The following TASP1 variants were observed in gnomAD, a reference collection of about 807,000 sequenced individuals.
The protein encoded by TASP1 is taspase 1, also known as threonine aspartase 1.
Under a neutral mutation model 56.6 loss-of-function variants are expected in TASP1, and 16 were observed. That is an observed-to-expected ratio of 0.28 (90% CI 0.19 to 0.43). The LOEUF is 0.43. TASP1 is among the 20% of genes least tolerant of loss of function. The pLI, the probability that TASP1 is intolerant of heterozygous loss-of-function variation, is 1.00. For missense variants in TASP1, 393 were observed against 511.6 expected, an observed-to-expected ratio of 0.77 and a Z score of 2.24; for synonymous variants, 179 against 184.2, an observed-to-expected ratio of 0.97 and a Z score of 0.23.
At chr20:13,270,604 C>A in the TASP1 span, 1 of 1,614,002 alleles carries the variant, frequency 6.2e-7, no homozygotes, top group East Asian at 2.2e-5. Context: ...GCACACCAAC[C>A]CTTCCCCAGA....
the TASP1 span, among the ~76,000 whole-genome samples, chr20:13,365,848 T>C: frequency 6.6e-6 from 1 of 152,054 alleles, no homozygotes; most frequent in South Asian, 2.1e-4. Context: ...GAGAACGGCC[T>C]GGGGATAGGA....
intron 13 of TASP1, chr20:13,393,611 C>A: frequency 8.7e-7 from 1 of 1,144,018 alleles, no homozygotes; most frequent in Non-Finnish European, 1.3e-6. Flanking sequence ...CCTGGTGTGA[C>A]AACGAATTTG....
At chr20:13,245,259 T>C in the TASP1 span, 7 of 152,346 alleles carry the variant, frequency 4.6e-5, no homozygotes, top group South Asian at 1.5e-3. Context: ...CCTTGGCCCA[T>C]GGTCTCTCAC....
chr20:13,637,667 A>G (rs1261518374), intron 1 of TASP1, among the ~76,000 whole-genome samples: 1 of 152,224 alleles, frequency 6.6e-6, no homozygotes, highest in Non-Finnish European at 1.5e-5. Context: ...TTTATATGAA[A>G]TGCCAGTATA....
chr20:13,281,794 T>C, the TASP1 span, among the ~76,000 whole-genome samples: 1 of 152,216 alleles, frequency 6.6e-6, no homozygotes, highest in Non-Finnish European at 1.5e-5. Flanking sequence ...TGCACAGCGT[T>C]TGTGGCTTCA....
chr20:13,236,505 T>G, the TASP1 span, among the ~76,000 whole-genome samples: 1 of 152,086 alleles, frequency 6.6e-6, no homozygotes, highest in Non-Finnish European at 1.5e-5. Flanking sequence ...TCCTAACATT[T>G]CAAAACCAAT....
At chr20:13,244,335 A>C in the TASP1 span, 1 of 148,056 alleles carries the variant, frequency 6.8e-6, no homozygotes, top group Non-Finnish European at 1.5e-5. Flanking sequence ...GCTCACATAG[A>C]GGTGTCAGCT....
At chr20:13,242,729 A>C in the TASP1 span, among the ~76,000 whole-genome samples, 546 of 152,270 alleles carry the variant, frequency 3.6e-3, 3 homozygotes, top group African/African-American at 0.012. Flanking sequence ...GTATAAAAGC[A>C]TCAGATGAGG....
chr20:13,375,649 G>T, the TASP1 span, among the ~76,000 whole-genome samples: 1 of 152,156 alleles, frequency 6.6e-6, no homozygotes, highest in African/African-American at 2.4e-5. Context: ...GATCCTTGAG[G>T]AATCACCACA....
intron 11 of TASP1, among the ~76,000 whole-genome samples, chr20:13,445,333 T>C (rs1253977286): frequency 6.6e-6 from 1 of 152,170 alleles, no homozygotes; most frequent in African/African-American, 2.4e-5. Flanking sequence ...TTTAAAAAGT[T>C]TAACACAGGG....
the TASP1 span, among the ~76,000 whole-genome samples, chr20:13,141,832 G>A: frequency 6.6e-6 from 1 of 152,202 alleles, no homozygotes; most frequent in Non-Finnish European, 1.5e-5. Context: ...CTCAGTCCAT[G>A]ATTAATCACC....
At chr20:13,586,186 A>C (rs1032054707) in intron 5 of TASP1, among the ~76,000 whole-genome samples, 7 of 151,612 alleles carry the variant, frequency 4.6e-5, no homozygotes, top group Admixed American at 1.3e-4. Flanking sequence ...AAAAAAAAAA[A>C]AAAAAAAAAA....
the TASP1 span, among the ~76,000 whole-genome samples, chr20:13,308,594 C>T: frequency 3.3e-5 from 5 of 152,046 alleles, no homozygotes; most frequent in African/African-American, 1.2e-4. Context: ...GAGGAACAGA[C>T]AAATCAACCA....
chr20:13,361,632 C>T, the TASP1 span, among the ~76,000 whole-genome samples: 2 of 147,898 alleles, frequency 1.4e-5, no homozygotes, highest in African/African-American at 2.6e-5. Context: ...TCATTCCAGA[C>T]ACCAGACCAA....
At chr20:13,265,803 A>G in the TASP1 span, among the ~76,000 whole-genome samples, 2 of 152,172 alleles carry the variant, frequency 1.3e-5, no homozygotes, top group South Asian at 4.1e-4. Context: ...CTGGTACTGC[A>G]GCATTGTCAA....
At chr20:13,272,715 C>T in the TASP1 span, among the ~76,000 whole-genome samples, 56 of 152,336 alleles carry the variant, frequency 3.7e-4, no homozygotes, top group African/African-American at 1.3e-3. Context: ...GGCCCCTCTC[C>T]AGGGACTGGC....
chr20:13,419,452 A>G (rs868189700), intron 12 of TASP1, among the ~76,000 whole-genome samples: 4 of 152,346 alleles, frequency 2.6e-5, no homozygotes, highest in African/African-American at 4.8e-5. Context: ...TACAAAAAGA[A>G]AACTGCAAAC....
At chr20:13,488,877 C>T (rs963474050) in intron 10 of TASP1, among the ~76,000 whole-genome samples, 14 of 152,056 alleles carry the variant, frequency 9.2e-5, no homozygotes, top group African/African-American at 3.1e-4. Context: ...CAGGTCCTCA[C>T]CTCTATTCTT....
intron 6 of TASP1, among the ~76,000 whole-genome samples, chr20:13,579,011 G>A (rs934998294): frequency 6.6e-6 from 1 of 152,116 alleles, no homozygotes; most frequent in Non-Finnish European, 1.5e-5. Context: ...TAGATTCGTA[G>A]GTGAACTTCA....
Sources: allele counts gnomAD v4.1 joint callset (sites outside exome capture counted in the v4.1 genomes callset), GRCh38; gene constraint gnomAD v4.1.1; transcripts MANE v1.5; gene names NCBI Gene and HGNC (gene_info 2026-07-23, HGNC 2026-07-21).